The following TONSL variants were observed in gnomAD, a reference collection of about 807,000 sequenced individuals.
TONSL encodes the protein tonsoku-like protein.
A neutral mutation model predicts 147.1 loss-of-function variants in TONSL; 112 were observed. That is an observed-to-expected ratio of 0.76 (90% CI 0.65 to 0.89). The LOEUF (loss-of-function observed/expected upper bound fraction) is 0.89, where lower values mean the gene tolerates loss of function less well. Among genes scored for constraint, TONSL ranks in the 40% least tolerant of loss-of-function variants. The pLI is 0.00. For synonymous variants in TONSL, 868 were observed against 801.5 expected, an observed-to-expected ratio of 1.08 and a Z score of -1.40; for missense variants, 1,883 against 1,864.6, an observed-to-expected ratio of 1.01 and a Z score of -0.18.
chr8:144,431,765 G>A (rs1164497774), intron 23 of TONSL, among the ~76,000 whole-genome samples: 2 of 151,400 alleles, frequency 1.3e-5, no homozygotes, highest in African/African-American at 2.4e-5. Context: ...CGCCCGCCTC[G>A]GCCTCCCAAA....
intron 4 of TONSL, 106 bp downstream of exon 4, chr8:144,443,028 AAGGG>A: frequency 7.4e-7 from 1 of 1,352,542 alleles, no homozygotes; most frequent in Admixed American, 2.4e-5. Flanking sequence ...GAGCCTTGCA[AAGGG>A]AGGGCTCCAG....
At position 144,434,268 on chromosome 8, in the gene TONSL, G is replaced by A. The variant is rs1554879410; in HGVS notation, c.3097C>T (p.Gln1033Ter). 6.6e-7 allele frequency: 1 copy of A among 1,510,432 alleles called. No homozygotes were observed. Among genetic ancestry groups the A allele is most frequent in the South Asian group, 1.3e-5 (1 of 75,590 alleles). The allele number at this position is 1,510,432 out of a possible 1,614,324, so 93.6% of individuals were successfully genotyped here. A position where few individuals can be genotyped will look rare whatever the true frequency, so the allele number is the denominator to read the frequency against. The change falls in exon 21 of 26, where the codon CAG (glutamine) becomes TAG (stop). Residue 1033 changes from glutamine (Q) to a stop codon, truncating the protein, a stop_gained. Transcript: ENST00000409379. LOFTEE classifies it high-confidence loss of function. Reference protein sequence around the residue: ...CQSLGQGEHQQVLQAVELQGL... With the variant: ...CQSLGQGEHQ ...TGGAGCTCCACGGCCTGCAGCACCT[G>A]TTGGTGCTCCCCTGCGGGAGGGATG...
Position 144,438,452 on chromosome 8 carries a change from G to A in TONSL, c.1653+19C>T, listed in dbSNP as rs368374264. ...CTCCATGCTAGGCAGCCTGTCCCAC[G>A]TCCCAGAGCGGGGCCCACCTGCCTC... On this transcript the variant is annotated intron_variant, in intron 13 of 25. Coordinates refer to ENST00000409379, the MANE Select transcript of TONSL (RefSeq NM_013432.5). 56 of 1,609,690 alleles carry A rather than the reference G, an allele frequency of 3.5e-5. No individual in the cohort carries two copies. The highest frequency in any genetic ancestry group is 2.1e-4 in the African/African-American group (16 of 74,890).
rs368930821 is a variant in TONSL, at chr8:144,435,875, G to A, written c.2558C>T (p.Thr853Ile). The A allele has an allele frequency of 1.4e-5, 23 of 1,602,518 alleles. No homozygotes were observed. In the African/African-American group the frequency reaches 2.8e-4, roughly 20 times the overall value. ...ACTACTGGGCCTGCGGTTGTCTCCA[G>A]TGCCCCGGGGGCGGGGCCGGCGGCT... Reference protein sequence around the residue: ...TRSRRPRPRGTGDNRRPSSTS... With the variant: ...TRSRRPRPRGIGDNRRPSSTS... The change falls in exon 17 of 26, where the codon ACT becomes ATT. Residue 853 changes from threonine (T) to isoleucine (I), a missense_variant. Transcript: ENST00000409379.
At chr8:144,434,432 A>G (rs1318294808) in intron 20 of TONSL, among the ~76,000 whole-genome samples, 153 bp from the exon 21 acceptor site, 1 of 152,088 alleles carries the variant, frequency 6.6e-6, no homozygotes, top group African/African-American at 2.4e-5. Context: ...TGGGTCTAGC[A>G]CTGTGAGGCC....
chr8:144,440,582 A>G (rs1237704896), intron 9 of TONSL, 106 bp from the exon 10 acceptor site: 2 of 1,520,866 alleles, frequency 1.3e-6, no homozygotes, highest in Non-Finnish European at 1.8e-6. Context: ...CCGGCCTCCC[A>G]GCTGCCGAGG....
chr8:144,433,964 C>T lies in TONSL; in HGVS notation c.3387+14G>A. 2 of 1,560,334 alleles carry T rather than the reference C, an allele frequency of 1.3e-6. No homozygotes were observed. The highest frequency in any genetic ancestry group is 8.7e-7 in the Non-Finnish European group (1 of 1,150,184). On this transcript the variant is annotated intron_variant, in intron 21 of 25. Coordinates refer to ENST00000409379, the MANE Select transcript of TONSL (RefSeq NM_013432.5). ...TCCCCGCTGTTGAGGGCCTGCTGCT[C>T]TCTGTGCCTATACCTGCAAGGTGGC...
intron 19 of TONSL, 39 bp from the exon 20 acceptor site, chr8:144,434,928 G>T: frequency 4.3e-6 from 7 of 1,612,292 alleles, no homozygotes; most frequent in Non-Finnish European, 5.9e-6. Context: ...GGGCTCCCCC[G>T]GCTCACCTCA....
At position 144,440,696 on chromosome 8, in the gene TONSL, G is replaced by A. The variant is rs190567800; in HGVS notation, c.1164+22C>T. On this transcript the variant is annotated intron_variant, in intron 9 of 25. Transcript: ENST00000409379. ...CAGAGACATGGGTGAACCTGCATTC[G>A]GGCGGGGAGCAAGGGTTTCACCTCC... 2.1e-5 allele frequency: 34 copies of A among 1,604,940 alleles called. 1 individual carries two copies. The East Asian group carries it at 3.4e-4, about 16-fold the overall frequency.
chr8:144,432,637 G>A (rs951373770), intron 22 of TONSL, 177 bp from the exon 23 acceptor site: 18 of 606,844 alleles, frequency 3.0e-5, no homozygotes, highest in South Asian at 6.3e-5. Context: ...CTGGGAGGGC[G>A]GGGCCAGACT....
Position 144,442,086 on chromosome 8 carries a change from GC to G in TONSL, c.815del (p.Gly272AlafsTer46). On this transcript the variant is annotated frameshift_variant, in exon 7 of 26. Coordinates refer to ENST00000409379, the MANE Select transcript of TONSL (RefSeq NM_013432.5). LOFTEE classifies it high-confidence loss of function. ...KRALKKAYRL[G>X]SQKPVQRAAI... ...CTGCCCTCTGCACAGGCTTCTGGGAGCCCAGCCTGTAGGCCTTCTTCAGGGC... is the reference window on the plus strand; with the variant it reads ...CTGCCCTCTGCACAGGCTTCTGGGAGCCAGCCTGTAGGCCTTCTTCAGGGC... 6.2e-7 allele frequency: 1 copy of G among 1,612,788 alleles called. No homozygotes were observed. The highest frequency in any genetic ancestry group is 8.5e-7 in the Non-Finnish European group (1 of 1,179,918).
chr8:144,435,213 G>A (rs774294233), intron 18 of TONSL, 43 bp from the exon 19 acceptor site: 17 of 1,453,208 alleles, frequency 1.2e-5, no homozygotes, highest in Admixed American at 5.1e-5. Flanking sequence ...GCACACAGCC[G>A]GGGTAATGCC....
chr8:144,440,274 G>T, intron 10 of TONSL, 64 bp from the exon 11 acceptor site: 1 of 1,554,420 alleles, frequency 6.4e-7, no homozygotes, highest in South Asian at 1.2e-5. Flanking sequence ...AGATGGGGAT[G>T]GGGCACAAGG....
intron 11 of TONSL, 41 bp from the exon 12 acceptor site, chr8:144,438,776 G>A (rs1318927053): frequency 6.9e-6 from 11 of 1,595,194 alleles, no homozygotes; most frequent in Admixed American, 1.7e-5. Context: ...GTCCGTGGGA[G>A]GTGAAGGTTA....
intron 6 of TONSL, 43 bp from the exon 7 acceptor site, chr8:144,442,194 G>A: frequency 3.8e-6 from 6 of 1,594,872 alleles, no homozygotes; most frequent in Non-Finnish European, 5.1e-6. Context: ...AATCCCCAAG[G>A]CCCGAATCTA....
intron 4 of TONSL, 81 bp downstream of exon 4, chr8:144,443,057 C>CA: frequency 6.8e-7 from 1 of 1,473,240 alleles, no homozygotes. Context: ...CGGGATTGCC[C>CA]AAGGAGGCTG....
At position 144,444,019 on chromosome 8, in the gene TONSL, AGCGGCCTAG is replaced by A; in HGVS notation, c.122-4_126del. The A allele has an allele frequency of 6.5e-7, 1 of 1,536,484 alleles. No individual in the cohort carries two copies. Among genetic ancestry groups the A allele is most frequent in the Non-Finnish European group, 8.7e-7 (1 of 1,146,062 alleles). ...CAGTGCTGCTCCAGAGCCTCGGCGT[AGCGGCCTAG>A]GCGGGGGCACAGCACGGCCTGGCAG... On this transcript the variant is annotated splice_acceptor_variant and splice_polypyrimidine_tract_variant and coding_sequence_variant and intron_variant, in exon 3 of 26. Coordinates refer to ENST00000409379, the MANE Select transcript of TONSL (RefSeq NM_013432.5). LOFTEE classifies it high-confidence loss of function.
chr8:144,440,554 C>A (rs1823672888), intron 9 of TONSL, 78 bp from the exon 10 acceptor site: 1 of 1,530,190 alleles, frequency 6.5e-7, no homozygotes, highest in South Asian at 1.2e-5. Context: ...TCCCCGGCTG[C>A]CCAGACGAAA....
chr8:144,436,389 G>A lies in TONSL; in HGVS notation c.2044C>T (p.Pro682Ser). 2 of 1,505,820 alleles carry A rather than the reference G, an allele frequency of 1.3e-6. No individual in the cohort carries two copies. Among genetic ancestry groups the A allele is most frequent in the Middle Eastern group, 1.8e-4 (1 of 5,594 alleles). The allele number at this position is 1,505,820 out of a possible 1,614,324, so 93.3% of individuals were successfully genotyped here. A position where few individuals can be genotyped will look rare whatever the true frequency, so the allele number is the denominator to read the frequency against. Residue 682 changes from proline to serine, a missense_variant, in exon 17 of 26, where the codon CCA becomes TCA. Transcript: ENST00000409379. ...TCGGGGTCAAACAGAAGGCTGCTTG[G>A]GGTGTGGAAGGCCTGGGAGCTGTGG... ...DPHSSQAFHT[P>S]SSLLFDPETS...
Sources: gnomAD v4.1 joint callset for allele counts (sites outside exome capture counted in the v4.1 genomes callset) on GRCh38, gnomAD v4.1.1 for gene constraint, MANE v1.5 for transcripts, NCBI Gene and HGNC (gene_info 2026-07-23, HGNC 2026-07-21) for gene names.